SPATA6: variants seen among roughly 807,000 people sequenced by gnomAD.
SPATA6 encodes the protein spermatogenesis-associated protein 6.
A neutral mutation model predicts 65.3 loss-of-function variants in SPATA6; 56 were observed. The observed-to-expected ratio is 0.86, with a 90% CI of 0.69 to 1.07. The LOEUF (loss-of-function observed/expected upper bound fraction) is 1.07, where lower values mean the gene tolerates loss of function less well. SPATA6 is among the 50% of genes least tolerant of loss of function. SPATA6 has a pLI of 0.00. For missense variants in SPATA6, 590 were observed against 594.8 expected (o/e 0.99, Z 0.08); for synonymous variants, 199 against 213.2 (o/e 0.93, Z 0.58).
intron 3 of SPATA6, among the ~76,000 whole-genome samples, chr1:48,423,943 A>G (rs1055664302): frequency 1.4e-4 from 21 of 152,218 alleles, no homozygotes; most frequent in African/African-American, 5.1e-4. Context: ...ATGTAAAATA[A>G]GCACATCATG....
At chr1:48,317,536 G>C (rs886820692) in intron 11 of SPATA6, among the ~76,000 whole-genome samples, 5 of 152,054 alleles carry the variant, frequency 3.3e-5, no homozygotes, top group African/African-American at 1.2e-4. Flanking sequence ...GTGGGGTGGG[G>C]GGAGAGGGGA....
At chr1:48,459,485 T>C (rs937916953) in intron 1 of SPATA6, among the ~76,000 whole-genome samples, 1 of 152,114 alleles carries the variant, frequency 6.6e-6, no homozygotes, top group Non-Finnish European at 1.5e-5. Context: ...AGTGTCAAAG[T>C]AAATAAAGCA....
intron 9 of SPATA6, 57 bp downstream of exon 9, chr1:48,385,252 C>T: frequency 6.9e-7 from 1 of 1,459,494 alleles, no homozygotes; most frequent in Non-Finnish European, 9.3e-7. Flanking sequence ...ATGAAATAGA[C>T]TCATGTTGTT....
chr1:48,360,291 A>C (rs187935857), intron 9 of SPATA6, among the ~76,000 whole-genome samples: 1 of 152,300 alleles, frequency 6.6e-6, no homozygotes, highest in East Asian at 1.9e-4. Flanking sequence ...TAAAACACAA[A>C]AACACACCAA....
chr1:48,311,017 G>C (rs1454893565), intron 11 of SPATA6, among the ~76,000 whole-genome samples: 1 of 152,046 alleles, frequency 6.6e-6, no homozygotes, highest in East Asian at 1.9e-4. Flanking sequence ...ACTAGAAAAT[G>C]CTTCAAGAGA....
At chr1:48,288,686 C>G in the SPATA6 span, among the ~76,000 whole-genome samples, 7 of 152,356 alleles carry the variant, frequency 4.6e-5, no homozygotes, top group South Asian at 2.1e-4. Flanking sequence ...AAACGGCACA[C>G]CAGGATATTA....
At chr1:48,415,521 G>C (rs2147998200) in intron 3 of SPATA6, among the ~76,000 whole-genome samples, 1 of 151,980 alleles carries the variant, frequency 6.6e-6, no homozygotes, top group East Asian at 1.9e-4. Context: ...CACTGTAATG[G>C]AAATGAAGAA....
chr1:48,434,973 AT>A (rs1654759321), intron 3 of SPATA6, among the ~76,000 whole-genome samples: 1 of 150,828 alleles, frequency 6.6e-6, no homozygotes, highest in Non-Finnish European at 1.5e-5. Context: ...AATTGTATTA[AT>A]TTATGTAATA....
chr1:48,274,761 A>C, the SPATA6 span, among the ~76,000 whole-genome samples: 2 of 152,196 alleles, frequency 1.3e-5, no homozygotes, highest in African/African-American at 4.8e-5. Flanking sequence ...TATAATTTAA[A>C]GTCAGGTAGC....
intron 11 of SPATA6, among the ~76,000 whole-genome samples, chr1:48,338,212 A>C (rs1342483921): frequency 6.6e-6 from 1 of 152,050 alleles, no homozygotes; most frequent in East Asian, 1.9e-4. Context: ...CCGCATAAAC[A>C]CAGCGGAGGG....
rs1054067160 is a variant in SPATA6 at position 48,305,842 on chromosome 1, G to A, written c.1231C>T (p.Leu411=). 3 of 1,611,982 alleles carry A rather than the reference G, an allele frequency of 1.9e-6. No homozygotes were observed. The Admixed American group carries it at 5.0e-5, about 27-fold the overall frequency. The change falls in exon 12 of 13, where the codon CTG becomes TTG. Residue 411 remains leucine (L), a synonymous_variant. Transcript: ENST00000371847. ...RDLEKDDELE[L]KRSLLCRDSA... is the part of the protein sequence containing the mutation. Reference sequence around the variant, plus strand: ...TCTCTACATAAAAGACTTCTTTTCAGTTCCAGTTCATCATCTTTCTCTAGG... The same window carrying A: ...TCTCTACATAAAAGACTTCTTTTCAATTCCAGTTCATCATCTTTCTCTAGG...
chr1:48,330,588 C>A (rs997528621), intron 11 of SPATA6, among the ~76,000 whole-genome samples: 1 of 152,230 alleles, frequency 6.6e-6, no homozygotes, highest in African/African-American at 2.4e-5. Flanking sequence ...GGCCCTATAA[C>A]CCCTGCCAAT....
intron 11 of SPATA6, among the ~76,000 whole-genome samples, chr1:48,323,835 G>A (rs558387459): frequency 2.6e-5 from 4 of 152,192 alleles, no homozygotes; most frequent in East Asian, 1.9e-4. Context: ...AGACTAATAC[G>A]TAATAATATG....
intron 1 of SPATA6, among the ~76,000 whole-genome samples, chr1:48,467,962 C>A (rs959284565): frequency 2.0e-5 from 3 of 152,000 alleles, no homozygotes; most frequent in African/African-American, 7.2e-5. Flanking sequence ...TTAGAAGAGC[C>A]ATTACAAAAA....
intron 6 of SPATA6, chr1:48,400,956 T>C: frequency 2.2e-6 from 1 of 447,368 alleles, no homozygotes; most frequent in Non-Finnish European, 3.3e-6. Context: ...AAATGATCTT[T>C]GAGTTTACTA....
chr1:48,328,766 A>G (rs564407888), intron 11 of SPATA6, among the ~76,000 whole-genome samples: 1 of 152,326 alleles, frequency 6.6e-6, no homozygotes, highest in African/African-American at 2.4e-5. Flanking sequence ...TTATATCTTA[A>G]CAAAGCTTTT....
chr1:48,345,743 G>T (rs928242203), intron 11 of SPATA6, among the ~76,000 whole-genome samples: 1 of 151,998 alleles, frequency 6.6e-6, no homozygotes, highest in African/African-American at 2.4e-5. Context: ...AAATAAAGAA[G>T]AAATAGATAA....
chr1:48,372,728 A>G (rs551910690), intron 9 of SPATA6, among the ~76,000 whole-genome samples: 1 of 152,360 alleles, frequency 6.6e-6, no homozygotes, highest in African/African-American at 2.4e-5. Flanking sequence ...GTTTCCATAC[A>G]TCTTCTGAAA....
intron 11 of SPATA6, among the ~76,000 whole-genome samples, chr1:48,353,337 C>G (rs1367111849): frequency 6.7e-6 from 1 of 150,052 alleles, no homozygotes; most frequent in Non-Finnish European, 1.5e-5. Context: ...TAAAAAGAAC[C>G]ACGAGTTAAT....
Sources: allele counts gnomAD v4.1 joint callset (sites outside exome capture counted in the v4.1 genomes callset), GRCh38; gene constraint gnomAD v4.1.1; transcripts MANE v1.5; gene names NCBI Gene and HGNC (gene_info 2026-07-23, HGNC 2026-07-21).